The following ADGRL2 variants were observed in gnomAD, a reference collection of about 807,000 sequenced individuals.
ADGRL2 encodes the protein adhesion G protein-coupled receptor L2, also known as calcium-independent alpha-latrotoxin receptor 2.
Under a neutral mutation model 157.4 loss-of-function variants are expected in ADGRL2, and 44 were observed. The observed-to-expected ratio is 0.28, with a 90% CI of 0.22 to 0.36. The LOEUF is 0.36. Among genes scored for constraint, ADGRL2 ranks in the 10% least tolerant of loss-of-function variants. The pLI is 1.00. For missense variants in ADGRL2, 1,510 were observed against 1,768.9 expected (o/e 0.85, Z 2.63); for synonymous variants, 585 against 624.7 (o/e 0.94, Z 0.95).
At position 81,868,170 on chromosome 1, in the gene ADGRL2, G is replaced by A. The variant is rs75774150; in HGVS notation, c.73+31113G>A. On this transcript the variant is annotated intron_variant, in intron 2 of 23. Coordinates refer to ENST00000686636, the MANE Select transcript of ADGRL2 (RefSeq NM_001366006.2). ...GTGCCACTGCTATGTGCTAGGCATT[G>A]CAGTAGGCAGTGCTAATACTGTTGA... is the stretch of plus-strand genomic sequence containing the variant. Among the ~76,000 whole-genome samples, 133 of 151,958 alleles carry A rather than the reference G, an allele frequency of 8.8e-4. 7 individuals are homozygous for A. The East Asian group carries it at 0.023, about 27-fold the overall frequency.
chr1:81,435,700 T>C (rs1161958607), intron 1 of ADGRL2, among the ~76,000 whole-genome samples: 1 of 152,258 alleles, frequency 6.6e-6, no homozygotes, highest in African/African-American at 2.4e-5. Flanking sequence ...TTTGTCTGTT[T>C]CCTTGCTTTG....
intron 2 of ADGRL2, among the ~76,000 whole-genome samples, chr1:81,786,025 G>A (rs1397587912): frequency 6.6e-6 from 1 of 152,014 alleles, no homozygotes; most frequent in Non-Finnish European, 1.5e-5. Flanking sequence ...GACTGCTTGA[G>A]CCTGGGAGGT....
intron 3 of ADGRL2, among the ~76,000 whole-genome samples, chr1:81,597,016 T>G (rs2081248140): frequency 6.6e-6 from 1 of 152,186 alleles, no homozygotes; most frequent in Admixed American, 6.5e-5. Flanking sequence ...CAAATAAGTA[T>G]TTAAGCACAG....
intron 3 of ADGRL2, among the ~76,000 whole-genome samples, chr1:81,608,677 C>CA (rs2081481908): frequency 6.6e-6 from 1 of 152,020 alleles, no homozygotes; most frequent in Non-Finnish European, 1.5e-5. Flanking sequence ...GCCAGTGTTC[C>CA]AAAAAACATA....
In ADGRL2 at chr1:81,933,707, T is replaced by G. The variant is rs543193094; in HGVS notation, c.288-3021T>G. 1.2e-4 allele frequency among the ~76,000 whole-genome samples: 19 copies of G among 152,278 alleles called. No homozygotes were observed. In the South Asian group the frequency reaches 3.9e-3, roughly 32 times the overall value. ...AGCTCACGTTGGGTGTTTCCCAATG[T>G]CTTTCTTGTCTCCTCACTCTCTATT... is the stretch of plus-strand genomic sequence containing the variant. On this transcript the variant is annotated intron_variant, in intron 3 of 23. Coordinates refer to ENST00000686636, the MANE Select transcript of ADGRL2 (RefSeq NM_001366006.2).
rs12037682 is a variant in ADGRL2 at position 81,524,352 on chromosome 1, C to T, written c.-247-56524C>T. Among the ~76,000 whole-genome samples the T allele has an allele frequency of 4.9e-4, 74 of 151,984 alleles. 1 individual carries two copies. In the East Asian group the frequency reaches 0.012, roughly 25 times the overall value. On this transcript the variant is annotated intron_variant, in intron 2 of 24. Coordinates refer to the ADGRL2 transcript ENST00000370721. Reference sequence around the variant, plus strand: ...CTGCACTCTAGCCTGGGCAACAGAGCGAGACTCCGTCTCAAAAAATAAATA... The same window carrying T: ...CTGCACTCTAGCCTGGGCAACAGAGTGAGACTCCGTCTCAAAAAATAAATA...
intron 3 of ADGRL2, among the ~76,000 whole-genome samples, chr1:81,677,356 G>C (rs189557107): frequency 6.6e-6 from 1 of 152,292 alleles, no homozygotes; most frequent in East Asian, 1.9e-4. Context: ...TGAGAGACTG[G>C]ACTACTGTCT....
At chr1:81,910,026 G>C (rs1182737353) in intron 3 of ADGRL2, among the ~76,000 whole-genome samples, 1 of 151,956 alleles carries the variant, frequency 6.6e-6, no homozygotes, top group African/African-American at 2.4e-5. Context: ...GATCACCTGA[G>C]TTCAGGAGTT....
chr1:81,696,881 C>A (rs116770538), upstream of ADGRL2, among the ~76,000 whole-genome samples: 1,526 of 152,268 alleles, frequency 0.01, 29 homozygotes, highest in African/African-American at 0.035. Flanking sequence ...CAGTCTCTAG[C>A]AAACTGTAGA....
chr1:81,947,186 C>A (rs557563724), intron 6 of ADGRL2, among the ~76,000 whole-genome samples: 10 of 152,080 alleles, frequency 6.6e-5, no homozygotes, highest in African/African-American at 1.9e-4. Context: ...AGTCATAATT[C>A]TATTGTGAGT....
chr1:81,340,556 C>G (rs1454041535), intron 1 of ADGRL2, among the ~76,000 whole-genome samples: 1 of 152,098 alleles, frequency 6.6e-6, no homozygotes, highest in East Asian at 1.9e-4. Flanking sequence ...AGCATTCACA[C>G]ATTATCTATG....
At chr1:81,317,343 G>A (rs990687479) in intron 1 of ADGRL2, among the ~76,000 whole-genome samples, 8 of 152,006 alleles carry the variant, frequency 5.3e-5, no homozygotes, top group African/African-American at 1.9e-4. Context: ...ACTGCATCTG[G>A]CTCACTGCTT....
chr1:81,734,190 C>T (rs975366809), intron 1 of ADGRL2, among the ~76,000 whole-genome samples: 6 of 150,042 alleles, frequency 4.0e-5, no homozygotes, highest in East Asian at 2.0e-4. Flanking sequence ...GCAGGAGAAT[C>T]GCTTAAACCC....
chr1:81,738,678 C>T (rs762387879), intron 1 of ADGRL2, among the ~76,000 whole-genome samples: 12 of 152,208 alleles, frequency 7.9e-5, no homozygotes, highest in Non-Finnish European at 1.6e-4. Context: ...TGGCCTCTCC[C>T]TATTCCATAC....
chr1:81,984,328 G>A (rs926250608), intron 19 of ADGRL2: 10 of 281,314 alleles, frequency 3.6e-5, no homozygotes, highest in African/African-American at 2.2e-4. Flanking sequence ...TATAATAACA[G>A]GATATAGAGT....
At chr1:81,503,401 T>G in intron 2 of ADGRL2, 1 of 1,613,842 alleles carries the variant, frequency 6.2e-7, no homozygotes, top group Non-Finnish European at 8.5e-7. Context: ...CAGCTCTCAC[T>G]GTTCACCAAG....
intron 1 of ADGRL2, among the ~76,000 whole-genome samples, chr1:81,813,802 C>CT: frequency 6.6e-6 from 1 of 151,526 alleles, no homozygotes; most frequent in East Asian, 1.9e-4. Context: ...AGTTCATTAC[C>CT]TTTTTTCCCC....
intron 3 of ADGRL2, among the ~76,000 whole-genome samples, chr1:81,588,112 A>C (rs1442841055): frequency 1.3e-5 from 2 of 152,086 alleles, no homozygotes; most frequent in African/African-American, 4.8e-5. Context: ...GAAGGTAGCT[A>C]AGAAGGATGA....
intron 2 of ADGRL2, among the ~76,000 whole-genome samples, chr1:81,570,397 T>G (rs1022872606): frequency 6.6e-6 from 1 of 152,204 alleles, no homozygotes; most frequent in African/African-American, 2.4e-5. Flanking sequence ...TTTGTTTGTT[T>G]GTTTTTGACA....
Sources: allele counts gnomAD v4.1 joint callset (sites outside exome capture counted in the v4.1 genomes callset), GRCh38; gene constraint gnomAD v4.1.1; transcripts MANE v1.5; gene names NCBI Gene and HGNC (gene_info 2026-07-23, HGNC 2026-07-21).